Variants in CSMD1 observed in about 807,000 individuals in gnomAD.
The protein encoded by CSMD1 is CUB and Sushi multiple domains 1, also known as CUB and sushi domain-containing protein 1.
Under a neutral mutation model 417.5 loss-of-function variants are expected in CSMD1, and 213 were observed. That is an observed-to-expected ratio of 0.51 (90% CI 0.46 to 0.57). The LOEUF (loss-of-function observed/expected upper bound fraction) is 0.57, where lower values mean the gene tolerates loss of function less well. Ranked by LOEUF, CSMD1 falls within the 20% of genes least tolerant of loss-of-function variation. The probability of loss-of-function intolerance (pLI) is 0.00; values close to 1 mark genes in which losing one functional copy is unlikely to be tolerated. For synonymous variants in CSMD1, 2,862 were observed against 1,736.8 expected, an observed-to-expected ratio of 1.65 and a Z score of -16.11; for missense variants, 6,923 against 4,529.7, an observed-to-expected ratio of 1.53 and a Z score of -15.17.
intron 6 of CSMD1, among the ~76,000 whole-genome samples, chr8:3,728,185 C>T (rs1394202958): frequency 1.3e-5 from 2 of 152,154 alleles, no homozygotes; most frequent in Non-Finnish European, 2.9e-5. Flanking sequence ...ATACTGTTCT[C>T]ATGGTAGTGA....
chr8:4,741,175 G>C (rs756629609), intron 1 of CSMD1, among the ~76,000 whole-genome samples: 12 of 151,864 alleles, frequency 7.9e-5, no homozygotes, highest in Non-Finnish European at 1.0e-4. Flanking sequence ...AGACACTTAT[G>C]TAAGTGTCAG....
chr8:3,178,383 C>T (rs941791999), intron 37 of CSMD1, among the ~76,000 whole-genome samples: 2 of 151,744 alleles, frequency 1.3e-5, no homozygotes, highest in Non-Finnish European at 2.9e-5. Context: ...TCAGTATGGA[C>T]TCACAAGCTC....
chr8:4,056,866 C>T (rs2130720189), intron 3 of CSMD1, among the ~76,000 whole-genome samples: 1 of 152,276 alleles, frequency 6.6e-6, no homozygotes, highest in South Asian at 2.1e-4. Flanking sequence ...GACATGAAGT[C>T]ATCATTTTTT....
chr8:4,050,991 T>C (rs1349798157), intron 3 of CSMD1, among the ~76,000 whole-genome samples: 3 of 152,066 alleles, frequency 2.0e-5, no homozygotes, highest in Non-Finnish European at 2.9e-5. Context: ...AGGAGTGACA[T>C]GCCCTACTTT....
At chr8:3,383,882 T>C (rs1013669141) in intron 18 of CSMD1, among the ~76,000 whole-genome samples, 5 of 152,048 alleles carry the variant, frequency 3.3e-5, no homozygotes, top group Non-Finnish European at 7.4e-5. Flanking sequence ...AGCAATAATA[T>C]TAGATGATGA....
At chr8:4,292,169 A>T (rs886918175) in intron 3 of CSMD1, among the ~76,000 whole-genome samples, 1 of 152,198 alleles carries the variant, frequency 6.6e-6, no homozygotes, top group African/African-American at 2.4e-5. Flanking sequence ...GCCCGGTCAT[A>T]GATTTCAGAA....
chr8:4,584,541 T>A (rs886678733), intron 2 of CSMD1, among the ~76,000 whole-genome samples: 1 of 152,098 alleles, frequency 6.6e-6, no homozygotes, highest in African/African-American at 2.4e-5. Context: ...TTGGGACCGT[T>A]GGTTTGCCTA....
At chr8:3,475,273 A>G (rs776063050) in intron 11 of CSMD1, among the ~76,000 whole-genome samples, 1 of 152,044 alleles carries the variant, frequency 6.6e-6, no homozygotes, top group East Asian at 1.9e-4. Flanking sequence ...CCTTCTTTCA[A>G]ATTCTGAGCT....
rs140519923 is a variant in CSMD1 at position 4,245,361 on chromosome 8, G to A, written c.415+174592C>T. Among the ~76,000 whole-genome samples, 56 of 152,288 alleles carry A rather than the reference G, an allele frequency of 3.7e-4. 1 individual carries two copies. The highest frequency in any genetic ancestry group is 1.7e-3 in the East Asian group (9 of 5,182). On this transcript the variant is annotated intron_variant, in intron 3 of 69. Transcript: ENST00000635120. ...GAGGGTTGGGGTGGGAGGAAAGATTGCAAGTACCCAGCCTGCCTTTTCTGA... is the reference window on the plus strand; with the variant it reads ...GAGGGTTGGGGTGGGAGGAAAGATTACAAGTACCCAGCCTGCCTTTTCTGA...
At chr8:4,325,235 G>C (rs930099796) in intron 3 of CSMD1, among the ~76,000 whole-genome samples, 1 of 152,138 alleles carries the variant, frequency 6.6e-6, no homozygotes, top group Non-Finnish European at 1.5e-5. Flanking sequence ...CCCTGAACCA[G>C]GAATGTGCGA....
chr8:4,096,803 C>T (rs536940757), intron 3 of CSMD1, among the ~76,000 whole-genome samples: 1 of 152,170 alleles, frequency 6.6e-6, no homozygotes, highest in South Asian at 2.1e-4. Context: ...CCGACGCTGT[C>T]TTCTGACCCA....
At chr8:4,074,787 G>A (rs1488843194) in intron 3 of CSMD1, among the ~76,000 whole-genome samples, 3 of 151,894 alleles carry the variant, frequency 2.0e-5, no homozygotes, top group East Asian at 3.9e-4. Flanking sequence ...GTTCTCTTTA[G>A]TTATGACTGT....
chr8:3,762,834 T>C (rs767359330), intron 5 of CSMD1, among the ~76,000 whole-genome samples: 28 of 152,188 alleles, frequency 1.8e-4, no homozygotes, highest in Non-Finnish European at 3.2e-4. Context: ...GTAAGGCAGC[T>C]GCCAGAGTAA....
At chr8:4,043,691 C>T (rs909539508) in intron 3 of CSMD1, among the ~76,000 whole-genome samples, 1 of 152,120 alleles carries the variant, frequency 6.6e-6, no homozygotes, top group African/African-American at 2.4e-5. Context: ...TTTCAGTGTT[C>T]TGAATTACAC....
At chr8:2,948,955 T>C (rs1286478586) in intron 68 of CSMD1, among the ~76,000 whole-genome samples, 1 of 151,852 alleles carries the variant, frequency 6.6e-6, no homozygotes, top group Non-Finnish European at 1.5e-5. Flanking sequence ...TGGCCACTTT[T>C]AATTACTCTT....
intron 4 of CSMD1, among the ~76,000 whole-genome samples, chr8:4,028,887 C>T (rs1797201233): frequency 6.6e-6 from 1 of 152,142 alleles, no homozygotes; most frequent in African/African-American, 2.4e-5. Context: ...AAAGTCAAAA[C>T]CTAAGAGTTG....
chr8:3,596,626 A>T (rs1584938857), intron 8 of CSMD1, among the ~76,000 whole-genome samples: 1 of 152,274 alleles, frequency 6.6e-6, no homozygotes, highest in South Asian at 2.1e-4. Flanking sequence ...CACTTGGCAA[A>T]ACTTTGCAAT....
chr8:3,909,075 A>T (rs941087823), intron 5 of CSMD1, among the ~76,000 whole-genome samples: 14 of 152,090 alleles, frequency 9.2e-5, no homozygotes, highest in Non-Finnish European at 2.1e-4. Flanking sequence ...GCCTTTGGAG[A>T]ATTCTAGTGA....
chr8:4,095,978 A>C (rs958046299), intron 3 of CSMD1, among the ~76,000 whole-genome samples: 1 of 152,204 alleles, frequency 6.6e-6, no homozygotes, highest in African/African-American at 2.4e-5. Context: ...AATATTTCTT[A>C]ACCAAAAACC....
Sources: allele counts gnomAD v4.1 joint callset (sites outside exome capture counted in the v4.1 genomes callset), GRCh38; gene constraint gnomAD v4.1.1; transcripts MANE v1.5; gene names NCBI Gene and HGNC (gene_info 2026-07-23, HGNC 2026-07-21).